The following GPC2 variants were observed in gnomAD, a reference collection of about 807,000 sequenced individuals.
The protein encoded by GPC2 is glypican-2.
GPC2 carries 42 observed loss-of-function variants against 57.3 expected under a neutral mutation model. The ratio of observed to expected loss-of-function variants is 0.73; its 90% CI spans 0.57 to 0.95. The LOEUF (loss-of-function observed/expected upper bound fraction) is 0.95. Among genes scored for constraint, GPC2 ranks in the 40% least tolerant of loss-of-function variants. The pLI, the probability that GPC2 is intolerant of heterozygous loss-of-function variation, is 0.00. For missense variants in GPC2, 745 were observed against 793.6 expected (o/e 0.94, Z 0.74); for synonymous variants, 364 against 343.4 (o/e 1.06, Z -0.66).
intron 6 of GPC2, 38 bp downstream of exon 6, chr7:100,172,049 C>A: frequency 6.2e-7 from 1 of 1,608,382 alleles, no homozygotes; most frequent in East Asian, 2.2e-5. Context: ...ACACCGTCCC[C>A]GCCCCGGGCC....
At position 100,170,268 on chromosome 7, in the gene GPC2, G is replaced by A. The variant is rs376498412; in HGVS notation, c.1702C>T (p.Leu568Phe). The A allele has an allele frequency of 4.4e-6, 7 of 1,580,994 alleles. No individual in the cohort carries two copies. The highest frequency in any genetic ancestry group is 6.0e-6 in the Non-Finnish European group (7 of 1,162,704). The change falls in exon 10 of 10, where the codon CTC becomes TTC. Residue 568 changes from leucine to phenylalanine, a missense_variant. Leu to Phe is a conservative substitution (Grantham distance 22, BLOSUM62 0). This residue lies in a region of GPC2 where 607 missense variants were observed against 603.9 expected (regional missense o/e 1.01). Coordinates refer to ENST00000292377, the MANE Select transcript of GPC2 (RefSeq NM_152742.3). ...IGFHTQTILI[L>F]SLSALALLGP... ...AGCAGGGCCAGGGCTGAGAGGGAGAGAATGAGGATGGTTTGGGTGTGAAAA... is the reference window on the plus strand; with the variant it reads ...AGCAGGGCCAGGGCTGAGAGGGAGAAAATGAGGATGGTTTGGGTGTGAAAA...
intron 3 of GPC2, among the ~76,000 whole-genome samples, 156 bp downstream of exon 3, chr7:100,175,416 A>G (rs1403236490): frequency 6.6e-6 from 1 of 152,180 alleles, no homozygotes; most frequent in African/African-American, 2.4e-5. Flanking sequence ...AGTAAAGCTC[A>G]GGATAGGGAT....
chr7:100,176,098 G>T, intron 2 of GPC2, 109 bp downstream of exon 2: 1 of 1,085,836 alleles, frequency 9.2e-7, no homozygotes, highest in South Asian at 1.6e-5. Flanking sequence ...CGGGCTGGGA[G>T]GGGATGGAGT....
chr7:100,176,479 A>G, intron 1 of GPC2, 114 bp from the exon 2 acceptor site: 2 of 994,910 alleles, frequency 2.0e-6, no homozygotes, highest in Non-Finnish European at 3.0e-6. Context: ...TCTCTTTTCT[A>G]TTGTCTGCAC....
At chr7:100,173,541 T>C (rs1584631250) in intron 5 of GPC2, 3 of 169,818 alleles carry the variant, frequency 1.8e-5, no homozygotes, top group South Asian at 4.3e-4. Flanking sequence ...GCCTCAGGAG[T>C]AACTGGGACT....
chr7:100,170,956 T>A, intron 9 of GPC2: 2 of 359,910 alleles, frequency 5.6e-6, no homozygotes, highest in Non-Finnish European at 1.0e-5. Flanking sequence ...CCACCCTGGC[T>A]TCCCAGCCTC....
At chr7:100,173,672 T>TTG in intron 5 of GPC2, 163 bp downstream of exon 5, 1 of 330,318 alleles carries the variant, frequency 3.0e-6, no homozygotes. Flanking sequence ...CTCTCTTTCT[T>TTG]TCTCTCTCTC....
intron 3 of GPC2, 44 bp from the exon 4 acceptor site, chr7:100,174,809 TG>T (rs764500269): frequency 6.7e-7 from 1 of 1,483,204 alleles, no homozygotes; most frequent in South Asian, 1.1e-5. Flanking sequence ...AAGGTTGTTA[TG>T]GGTCAGTCAA....
rs772538488 is a variant in GPC2, at chr7:100,171,731, C to T, written c.1170+48G>A. The T allele has an allele frequency of 1.1e-6, 1 of 907,446 alleles. No homozygotes were observed. The highest frequency in any genetic ancestry group is 1.7e-5 in the African/African-American group (1 of 58,352). 56.2% of individuals were successfully genotyped at this position (907,446 alleles called of 1,614,324 possible). A position where few individuals can be genotyped will look rare whatever the true frequency, so the allele number is the denominator to read the frequency against. ...GCTGGAGCGCGACCCCCACAACCAT[C>T]CCCGGCCCCGGGCCCCCCCGCCCCC... On this transcript the variant is annotated intron_variant, in intron 7 of 9. Transcript: ENST00000292377. This position sits in a 1 kb window ranked among gnomAD's most constrained non-coding sequence, Gnocchi z 4.8.
rs1401296048 is a variant in GPC2 at position 100,171,172 on chromosome 7, G to A, written c.1486+89C>T. The stretch of plus-strand genomic sequence containing the variant: ...TAGTGAATTAATCAATGAACGCTAA[G>A]AGCAGAGGCACGGGCGGGAACTACC... On this transcript the variant is annotated intron_variant, in intron 9 of 9. Transcript: ENST00000292377. This position sits in a 1 kb window ranked among gnomAD's most constrained non-coding sequence, Gnocchi z 4.8. 8.5e-7 allele frequency: 1 copy of A among 1,170,926 alleles called. No individual in the cohort carries two copies. Among genetic ancestry groups the A allele is most frequent in the Admixed American group, 3.2e-5 (1 of 31,166 alleles). The allele number at this position is 1,170,926 out of a possible 1,614,324, so 72.5% of individuals were successfully genotyped here. A position where few individuals can be genotyped will look rare whatever the true frequency, so the allele number is the denominator to read the frequency against.
rs1382212991 is a variant in GPC2 at position 100,174,692 on chromosome 7, G to A, written c.722C>T (p.Ala241Val). ...ACTCAGGCACCCTCCAACCTTAAGC[G>A]CTTCGCTGACCACATTTCTTCCAGT... ...LETGRNVVSE[A>V]LKVPVSEGCS... Residue 241 changes from alanine (A) to valine (V), a missense_variant, in exon 4 of 10, where the codon GCG becomes GTG. Transcript: ENST00000292377. The A allele has an allele frequency of 1.7e-5, 27 of 1,612,746 alleles. No homozygotes were observed. Among genetic ancestry groups the A allele is most frequent in the Non-Finnish European group, 2.0e-5 (23 of 1,179,010 alleles).
At chr7:100,170,577 A>T in intron 9 of GPC2, 94 bp from the exon 10 acceptor site, 1 of 1,210,208 alleles carries the variant, frequency 8.3e-7, no homozygotes, top group Non-Finnish European at 1.1e-6. Flanking sequence ...AGAAAGAGAG[A>T]GGAAAGGGAG....
intron 2 of GPC2, 70 bp from the exon 3 acceptor site, chr7:100,175,964 G>C: frequency 7.9e-7 from 1 of 1,265,256 alleles, no homozygotes; most frequent in Non-Finnish European, 1.1e-6. Context: ...TGAACAGGCA[G>C]AGGCAGGAGG....
In GPC2 at chr7:100,171,569, G is replaced by T; in HGVS notation, c.1280C>A (p.Ala427Glu). ...RMAADASLEA[A>E]PCWTGAGRGR... ...CCGCCCGGCTCCGGTCCAGCAGGGC[G>T]CCGCCTCCAGCGAGGCGTCCGCTGC... The change falls in exon 8 of 10, where the codon GCG (alanine) becomes GAG (glutamate). Residue 427 changes from alanine (A) to glutamate (E), a missense_variant. Transcript: ENST00000292377. The surrounding 1 kb of genome is among the most constrained non-coding windows in gnomAD (Gnocchi z 4.8). The T allele has an allele frequency of 6.7e-7, 1 of 1,494,868 alleles. No individual in the cohort carries two copies. Among genetic ancestry groups the T allele is most frequent in the African/African-American group, 1.4e-5 (1 of 69,370 alleles). The allele number at this position is 1,494,868 out of a possible 1,614,324, so 92.6% of individuals were successfully genotyped here. A position where few individuals can be genotyped will look rare whatever the true frequency, so the allele number is the denominator to read the frequency against.
Position 100,171,543 on chromosome 7 carries a change from C to T in GPC2, c.1306G>A (p.Gly436Ser). The change falls in exon 8 of 10, where the codon GGC (glycine) becomes AGC (serine). Residue 436 changes from glycine (G) to serine (S), a missense_variant. By Grantham distance (56) the Gly-to-Ser change is moderately conservative. Coordinates refer to ENST00000292377, the MANE Select transcript of GPC2 (RefSeq NM_152742.3). This position sits in a 1 kb window ranked among gnomAD's most constrained non-coding sequence, Gnocchi z 4.8. The stretch of plus-strand genomic sequence containing the variant: ...CCCGACGCCCCCGAGGCTCACCGGC[C>T]CCGCCCGGCTCCGGTCCAGCAGGGC... Reference protein sequence around the residue: ...AAPCWTGAGRGRYLPPVVGGS... With the variant: ...AAPCWTGAGRSRYLPPVVGGS... 1.4e-6 allele frequency: 2 copies of T among 1,446,706 alleles called. No homozygotes were observed. Among genetic ancestry groups the T allele is most frequent in the Non-Finnish European group, 1.8e-6 (2 of 1,106,808 alleles). The allele number at this position is 1,446,706 out of a possible 1,614,324, so 89.6% of individuals were successfully genotyped here. A position where few individuals can be genotyped will look rare whatever the true frequency, so the allele number is the denominator to read the frequency against.
In GPC2 at chr7:100,177,195, G is replaced by C. The variant is rs1267393705; in HGVS notation, c.5C>G (p.Ser2Cys). 1.2e-6 allele frequency: 2 copies of C among 1,612,304 alleles called. No homozygotes were observed. The highest frequency in any genetic ancestry group is 2.7e-5 in the African/African-American group (2 of 74,912). Residue 2 changes from serine (S) to cysteine (C), a missense_variant, in exon 1 of 10, where the codon TCC (serine) becomes TGC (cysteine). By Grantham distance (112) the Ser-to-Cys change is moderately radical (BLOSUM62 -1). Transcript: ENST00000292377. ...CAGAAGCAGGAGAGGTCGCAGCGCGGACATAACTGCAGCCACCCCAGGACG... is the reference window on the plus strand; with the variant it reads ...CAGAAGCAGGAGAGGTCGCAGCGCGCACATAACTGCAGCCACCCCAGGACG... M[S>C]ALRPLLLLLL...
intron 2 of GPC2, 107 bp from the exon 3 acceptor site, chr7:100,176,001 T>C: frequency 2.1e-6 from 2 of 952,948 alleles, no homozygotes; most frequent in Non-Finnish European, 3.1e-6. Flanking sequence ...AAAAGACAAG[T>C]GAATCAGAAA....
At chr7:100,172,649 A>ATATATATATATATG (rs776660460) in intron 5 of GPC2, among the ~76,000 whole-genome samples, 1 of 118,134 alleles carries the variant, frequency 8.5e-6, no homozygotes, top group Non-Finnish European at 1.6e-5. Context: ...ATATATATAT[A>ATATATATATATATG]TGTGTGTGTG....
chr7:100,176,650 C>T (rs990727376), intron 1 of GPC2, among the ~76,000 whole-genome samples: 3 of 152,176 alleles, frequency 2.0e-5, no homozygotes, highest in African/African-American at 4.8e-5. Context: ...ACACCCCAGA[C>T]CTCGAGGGAC....
Sources: gnomAD v4.1 joint callset for allele counts (sites outside exome capture counted in the v4.1 genomes callset) on GRCh38, gnomAD v4.1.1 for gene constraint, gnomAD v4.1.1 regional missense constraint, Gnocchi (gnomAD v3.1) non-coding constraint, MANE v1.5 for transcripts, NCBI Gene and HGNC (gene_info 2026-07-23, HGNC 2026-07-21) for gene names.